Variants in USP34 observed in about 807,000 individuals in gnomAD.
USP34 encodes the protein ubiquitin specific peptidase 34.
In USP34, 70 loss-of-function variants were observed where a neutral mutation model predicts 460.3. The ratio of observed to expected loss-of-function variants is 0.15; its 90% confidence interval spans 0.13 to 0.19. The LOEUF is 0.19. Among genes scored for constraint, USP34 ranks in the 10% least tolerant of loss-of-function variants. The probability of loss-of-function intolerance (pLI) is 1.00; values close to 1 mark genes in which losing one functional copy is unlikely to be tolerated. For missense variants in USP34, 3,985 were observed against 4,236.2 expected, an observed-to-expected ratio of 0.94 and a Z score of 1.65; for synonymous variants, 1,647 against 1,405.3, an observed-to-expected ratio of 1.17 and a Z score of -3.85.
intron 5 of USP34, among the ~76,000 whole-genome samples, chr2:61,388,456 T>TAA (rs34286687): frequency 1.0e-3 from 134 of 129,592 alleles, no homozygotes; most frequent in South Asian, 6.6e-3. Flanking sequence ...CAGGGGAGTT[T>TAA]AAAAAAAAAA....
At chr2:61,330,875 T>C (rs1043967462) in intron 20 of USP34, among the ~76,000 whole-genome samples, 1 of 152,150 alleles carries the variant, frequency 6.6e-6, no homozygotes, top group Non-Finnish European at 1.5e-5. Context: ...AGTATGCAAT[T>C]ATAATAAAAT....
chr2:61,336,424 T>C (rs1691418034), intron 18 of USP34, among the ~76,000 whole-genome samples: 1 of 151,748 alleles, frequency 6.6e-6, no homozygotes, highest in South Asian at 2.1e-4. Context: ...CTGTACCTGG[T>C]CCCTTTTGGA....
chr2:61,416,819 T>G, intron 2 of USP34: 4 of 317,686 alleles, frequency 1.3e-5, no homozygotes, highest in East Asian at 4.6e-5. Context: ...TCTTTTTTTT[T>G]TTGGGGGGGG....
At chr2:61,434,859 T>C (rs1472588135) in intron 1 of USP34, among the ~76,000 whole-genome samples, 4 of 151,402 alleles carry the variant, frequency 2.6e-5, no homozygotes, top group African/African-American at 9.7e-5. Flanking sequence ...ACAGTATAAT[T>C]CTCCTGTAAT....
chr2:61,374,177 A>AG (rs1466029797), intron 8 of USP34, among the ~76,000 whole-genome samples: 6 of 151,322 alleles, frequency 4.0e-5, no homozygotes, highest in African/African-American at 1.5e-4. Context: ...AAAAAAAAAA[A>AG]ACAGAGAAAA....
At chr2:61,348,572 T>C in intron 14 of USP34, 92 bp from the exon 15 acceptor site, 1 of 1,486,974 alleles carries the variant, frequency 6.7e-7, no homozygotes, top group Non-Finnish European at 8.9e-7. Context: ...TTAAAAAGGC[T>C]GCCAGTCTTG....
At position 61,222,722 on chromosome 2, in the gene USP34, G is replaced by C. The variant is rs542525567; in HGVS notation, c.7750-59C>G. 3 of 1,515,644 alleles carry C rather than the reference G, an allele frequency of 2.0e-6. No homozygotes were observed. The African/African-American group carries it at 4.1e-5, about 21-fold the overall frequency. The allele number at this position is 1,515,644 out of a possible 1,614,324, so 93.9% of individuals were successfully genotyped here. A position where few individuals can be genotyped will look rare whatever the true frequency, so the allele number is the denominator to read the frequency against. ...TTGTTTTGTTTTGTTTTTGAGACAG[G>C]GTTTCGCTATGTCACCCAGGCTGGG... On this transcript the variant is annotated intron_variant, in intron 64 of 79. Coordinates refer to ENST00000398571, the MANE Select transcript of USP34 (RefSeq NM_014709.4).
At chr2:61,383,594 T>C (rs1572988241) in intron 5 of USP34, among the ~76,000 whole-genome samples, 2 of 152,038 alleles carry the variant, frequency 1.3e-5, no homozygotes, top group Admixed American at 6.6e-5. Flanking sequence ...TCCCAGCTAC[T>C]TGAGAGGCTG....
chr2:61,242,458 T>C (rs199654636), intron 51 of USP34, among the ~76,000 whole-genome samples: 57 of 129,772 alleles, frequency 4.4e-4, no homozygotes, highest in Middle Eastern at 3.8e-3. Flanking sequence ...AGATAATACA[T>C]ACACACACAC....
intron 62 of USP34, among the ~76,000 whole-genome samples, chr2:61,226,625 G>GT (rs1441950944): frequency 1.3e-5 from 2 of 152,126 alleles, no homozygotes; most frequent in African/African-American, 2.4e-5. Flanking sequence ...AATGGATGCT[G>GT]TTTTTTCAAC....
At chr2:61,242,926 A>C (rs1688310475) in intron 51 of USP34, among the ~76,000 whole-genome samples, 1 of 151,768 alleles carries the variant, frequency 6.6e-6, no homozygotes, top group African/African-American at 2.4e-5. Context: ...AGCTCACTGC[A>C]ATCTCCGCCT....
chr2:61,215,154 G>A (rs1687362119), intron 67 of USP34, among the ~76,000 whole-genome samples: 1 of 151,484 alleles, frequency 6.6e-6, no homozygotes, highest in Non-Finnish European at 1.5e-5. Flanking sequence ...ATACAGATAT[G>A]GTAAAATATA....
At chr2:61,456,314 T>C (rs926323999) in intron 1 of USP34, among the ~76,000 whole-genome samples, 3 of 152,178 alleles carry the variant, frequency 2.0e-5, no homozygotes, top group Non-Finnish European at 4.4e-5. Flanking sequence ...TAGGTCCTGA[T>C]TAGTTTAAAC....
chr2:61,380,855 C>A (rs1426954193), intron 6 of USP34, among the ~76,000 whole-genome samples: 2 of 152,172 alleles, frequency 1.3e-5, no homozygotes, highest in African/African-American at 2.4e-5. Context: ...CCTGATGCTC[C>A]AACTGACATG....
intron 23 of USP34, among the ~76,000 whole-genome samples, 187 bp from the exon 24 acceptor site, chr2:61,315,161 T>C (rs1234631142): frequency 6.6e-6 from 1 of 152,196 alleles, no homozygotes; most frequent in Non-Finnish European, 1.5e-5. Context: ...AAAATATTTA[T>C]ACAGCAGATA....
chr2:61,424,392 C>T (rs1027651630), intron 1 of USP34, among the ~76,000 whole-genome samples: 5 of 152,278 alleles, frequency 3.3e-5, no homozygotes, highest in South Asian at 2.1e-4. Flanking sequence ...ACCAAAACAT[C>T]GTTACTCGGT....
At chr2:61,286,412 T>C (rs998299010) in intron 34 of USP34, among the ~76,000 whole-genome samples, 2 of 152,088 alleles carry the variant, frequency 1.3e-5, no homozygotes, top group African/African-American at 4.8e-5. Flanking sequence ...TCCCAGCACT[T>C]TGGGAGGCCG....
intron 8 of USP34, among the ~76,000 whole-genome samples, chr2:61,376,315 C>A (rs1692798990): frequency 6.6e-6 from 1 of 152,228 alleles, no homozygotes; most frequent in East Asian, 1.9e-4. Context: ...TACACATACT[C>A]TCCCTTGCCA....
At chr2:61,347,768 T>C (rs1691816327) in intron 15 of USP34, 102 bp downstream of exon 15, 21 of 1,512,172 alleles carry the variant, frequency 1.4e-5, no homozygotes, top group Non-Finnish European at 1.5e-5. Context: ...ACTATACTAC[T>C]AATGAATAGC....
Sources: gnomAD v4.1 joint callset for allele counts (sites outside exome capture counted in the v4.1 genomes callset) on GRCh38, gnomAD v4.1.1 for gene constraint, MANE v1.5 for transcripts, NCBI Gene and HGNC (gene_info 2026-07-23, HGNC 2026-07-21) for gene names.